Variants in DOCK8 observed in about 807,000 individuals in gnomAD.
DOCK8 encodes dedicator of cytokinesis protein 8.
DOCK8 carries 141 observed loss-of-function variants against 245.6 expected under a neutral mutation model. That is an observed-to-expected ratio of 0.57 (90% confidence interval 0.50 to 0.66). The LOEUF is 0.66. DOCK8 is among the 30% of genes least tolerant of loss of function. The probability of loss-of-function intolerance (pLI) is 0.00; values close to 1 mark genes in which losing one functional copy is unlikely to be tolerated. For synonymous variants in DOCK8, 1,168 were observed against 970.2 expected (o/e 1.20, Z -3.79); for missense variants, 2,965 against 2,603.4 (o/e 1.14, Z -3.02).
intron 45 of DOCK8, 73 bp downstream of exon 45, chr9:450,000 T>C: frequency 2.0e-6 from 3 of 1,532,254 alleles, no homozygotes; most frequent in Admixed American, 1.8e-5. Flanking sequence ...TGCACCCTTC[T>C]TCCTTGGGGT....
chr9:244,205 A>G (rs2047448812), intron 1 of DOCK8, among the ~76,000 whole-genome samples: 1 of 151,412 alleles, frequency 6.6e-6, no homozygotes, highest in African/African-American at 2.4e-5. Flanking sequence ...AAAAAAAAAA[A>G]AAAATTTTAG....
At chr9:253,738 A>G (rs1460823823) in intron 1 of DOCK8, among the ~76,000 whole-genome samples, 1 of 152,212 alleles carries the variant, frequency 6.6e-6, no homozygotes. Flanking sequence ...CTCCTCTGCC[A>G]TGATTGATGG....
intron 32 of DOCK8, 84 bp downstream of exon 32, chr9:421,162 A>C (rs2056261456): frequency 1.3e-6 from 2 of 1,554,450 alleles, no homozygotes; most frequent in Admixed American, 3.3e-5. Flanking sequence ...ACATGATTAG[A>C]CACCATTACT....
intron 46 of DOCK8, chr9:459,893 A>G (rs2057751146): frequency 6.6e-6 from 1 of 152,276 alleles, no homozygotes; most frequent in Admixed American, 6.5e-5. Context: ...AGAGAGAGAC[A>G]GAGGCCATAT....
At chr9:215,083 TGAAG>T (rs2046711274) in intron 1 of DOCK8, 54 bp downstream of exon 1, 1 of 1,530,100 alleles carries the variant, frequency 6.5e-7, no homozygotes, top group African/African-American at 1.4e-5. Flanking sequence ...AGCGCTGGTG[TGAAG>T]CGGAGCTTCG....
At chr9:355,273 A>G (rs10758263) in intron 14 of DOCK8, among the ~76,000 whole-genome samples, 111,455 of 147,232 alleles carry the variant, frequency 0.76, 42,748 homozygotes, top group South Asian at 0.84. Context: ...GCACAATCTC[A>G]GCTCACTGCA....
chr9:305,834 T>C lies in DOCK8; in HGVS notation c.528+1130T>C, dbSNP rs73639046. On this transcript the variant is annotated intron_variant, in intron 5 of 47. Coordinates refer to ENST00000432829, the MANE Select transcript of DOCK8 (RefSeq NM_203447.4). Reference sequence around the variant, plus strand: ...AAAGTTAAGCTCTATACACCTATGCTCACAGCAGCATTATTCACAGCAGCC... The same window carrying C: ...AAAGTTAAGCTCTATACACCTATGCCCACAGCAGCATTATTCACAGCAGCC... Among the ~76,000 whole-genome samples, 1,303 of 148,152 alleles carry C rather than the reference T, an allele frequency of 8.8e-3. 25 individuals carry two copies. The highest frequency in any genetic ancestry group is 0.033 in the African/African-American group (1,226 of 37,562).
intron 1 of DOCK8, among the ~76,000 whole-genome samples, chr9:250,487 C>A (rs557637303): frequency 6.9e-4 from 105 of 152,258 alleles, no homozygotes; most frequent in Non-Finnish European, 1.2e-3. Flanking sequence ...CAAAACAAGA[C>A]CCTCTGATAC....
chr9:332,062 A>G (rs569017026), intron 9 of DOCK8, among the ~76,000 whole-genome samples: 2 of 152,294 alleles, frequency 1.3e-5, no homozygotes, highest in East Asian at 1.9e-4. Context: ...TTTTTATTAT[A>G]TACATAATAC....
At chr9:237,500 C>A (rs765957383) in intron 1 of DOCK8, among the ~76,000 whole-genome samples, 1 of 152,072 alleles carries the variant, frequency 6.6e-6, no homozygotes, top group East Asian at 1.9e-4. Context: ...ACAAAAAATA[C>A]AAAAATTAGC....
rs150157934 is a variant in DOCK8, at chr9:423,484, G to A, written c.4241+1349G>A. 7.1e-4 allele frequency among the ~76,000 whole-genome samples: 108 copies of A among 152,304 alleles called. 1 individual carries two copies. In the East Asian group the frequency reaches 0.019, roughly 26 times the overall value. On this transcript the variant is annotated intron_variant, in intron 33 of 47. Coordinates refer to ENST00000432829, the MANE Select transcript of DOCK8 (RefSeq NM_203447.4). ...AAGCACCCATCAAAGGGGGTATGGGGCAGACTTGATTAGCAGTGCTGTTTT... is the reference window on the plus strand; with the variant it reads ...AAGCACCCATCAAAGGGGGTATGGGACAGACTTGATTAGCAGTGCTGTTTT...
intron 24 of DOCK8, among the ~76,000 whole-genome samples, chr9:392,680 G>C (rs758533578): frequency 1.3e-5 from 2 of 151,974 alleles, no homozygotes; most frequent in Non-Finnish European, 2.9e-5. Flanking sequence ...CATTCCAAAA[G>C]CCGAGCTAAT....
chr9:258,157 CCCCTTA>C (rs2047825637), intron 1 of DOCK8, among the ~76,000 whole-genome samples: 2 of 152,172 alleles, frequency 1.3e-5, no homozygotes, highest in Non-Finnish European at 2.9e-5. Flanking sequence ...TGCTCCATTT[CCCCTTA>C]TAGCAAAGGC....
rs7042961 is a variant in DOCK8 at position 432,625 on chromosome 9, A to G, written c.4785+301A>G. On this transcript the variant is annotated intron_variant, in intron 37 of 47. Coordinates refer to ENST00000432829, the MANE Select transcript of DOCK8 (RefSeq NM_203447.4). The stretch of plus-strand genomic sequence containing the variant: ...ACTGTGTGGTAAGGAGCTAAATGCT[A>G]TGGAAGGTTAGAGGAAGAGAGGTCG... Among the ~76,000 whole-genome samples the G allele has an allele frequency of 0.7, 105,625 of 151,758 alleles. 38,120 individuals carry two copies. Among genetic ancestry groups the G allele is most frequent in the East Asian group, 0.98 (5,060 of 5,158 alleles).
intron 40 of DOCK8, among the ~76,000 whole-genome samples, chr9:440,277 C>T (rs981731553): frequency 3.3e-5 from 5 of 152,240 alleles, no homozygotes; most frequent in African/African-American, 9.6e-5. Context: ...ATCTTGGCCT[C>T]CCAAAGTGCT....
chr9:326,086 A>G (rs1586704687), intron 8 of DOCK8, among the ~76,000 whole-genome samples: 2 of 152,220 alleles, frequency 1.3e-5, no homozygotes, highest in Admixed American at 1.3e-4. Context: ...AGTTCTTTGC[A>G]CTGTGAAATA....
chr9:324,969 C>T (rs567185091), intron 7 of DOCK8, among the ~76,000 whole-genome samples: 3 of 152,162 alleles, frequency 2.0e-5, no homozygotes, highest in African/African-American at 7.2e-5. Flanking sequence ...TATCCCTCAT[C>T]CCCCTCTACT....
chr9:424,459 G>T (rs1187052944), intron 33 of DOCK8, among the ~76,000 whole-genome samples: 2 of 151,718 alleles, frequency 1.3e-5, no homozygotes, highest in East Asian at 3.9e-4. Flanking sequence ...ACCCAGGCTG[G>T]AATACAGTGG....
intron 46 of DOCK8, chr9:454,483 C>G (rs2057569984): frequency 6.6e-6 from 1 of 152,034 alleles, no homozygotes; most frequent in Admixed American, 6.6e-5. Flanking sequence ...GAACCTATCC[C>G]CGAGAATGAG....
Sources: allele counts gnomAD v4.1 joint callset (sites outside exome capture counted in the v4.1 genomes callset), GRCh38; gene constraint gnomAD v4.1.1; transcripts MANE v1.5; gene names NCBI Gene and HGNC (gene_info 2026-07-23, HGNC 2026-07-21).